Variants in DIP2C observed in about 807,000 individuals in gnomAD.
DIP2C encodes DIP2 acetate--CoA ligase C (putative).
DIP2C carries 33 observed loss-of-function variants against 192.4 expected under a neutral mutation model. That is an observed-to-expected ratio of 0.17 (90% CI 0.13 to 0.23). DIP2C has a LOEUF of 0.23. DIP2C is among the 10% of genes least tolerant of loss of function. DIP2C has a pLI of 1.00. For missense variants in DIP2C, 1,537 were observed against 2,110.1 expected (o/e 0.73, Z 5.32); for synonymous variants, 979 against 864.1 (o/e 1.13, Z -2.33).
At chr10:336,465 A>G (rs1957773926) in intron 29 of DIP2C, among the ~76,000 whole-genome samples, 1 of 152,158 alleles carries the variant, frequency 6.6e-6, no homozygotes, top group Admixed American at 6.5e-5. Flanking sequence ...ACATTTTTTT[A>G]TTTGCATATG....
At chr10:613,677 T>G (rs769081784) in intron 1 of DIP2C, among the ~76,000 whole-genome samples, 21 of 152,190 alleles carry the variant, frequency 1.4e-4, no homozygotes, top group Non-Finnish European at 2.6e-4. Context: ...AATGGCAGAT[T>G]CCTGAGAATG....
At chr10:422,535 G>C (rs1362776754) in intron 5 of DIP2C, among the ~76,000 whole-genome samples, 2 of 152,194 alleles carry the variant, frequency 1.3e-5, no homozygotes, top group Non-Finnish European at 2.9e-5. Context: ...TGTTGATTGG[G>C]ACTGTTAAGG....
chr10:308,064 C>T (rs1354743273), intron 32 of DIP2C, among the ~76,000 whole-genome samples: 3 of 151,450 alleles, frequency 2.0e-5, no homozygotes, highest in African/African-American at 4.9e-5. Context: ...GGGCGGGGCC[C>T]AGCACACGGT....
chr10:306,345 T>C (rs1415283024), intron 32 of DIP2C, among the ~76,000 whole-genome samples: 1 of 152,074 alleles, frequency 6.6e-6, no homozygotes, highest in Admixed American at 6.5e-5. Context: ...AAATGGCTAA[T>C]ACCCCTGTTC....
At chr10:553,424 C>T (rs997667763) in intron 1 of DIP2C, among the ~76,000 whole-genome samples, 1 of 152,230 alleles carries the variant, frequency 6.6e-6, no homozygotes, top group Non-Finnish European at 1.5e-5. Context: ...GCCACAGAGC[C>T]ATTTGCTGCA....
At chr10:324,119 A>T (rs184390637) in intron 31 of DIP2C, among the ~76,000 whole-genome samples, 3 of 152,138 alleles carry the variant, frequency 2.0e-5, no homozygotes, top group Admixed American at 2.0e-4. Flanking sequence ...GTGGCACTCT[A>T]TCCTCTCACT....
At chr10:484,100 CCCCCGG>C (rs1206422175) in intron 2 of DIP2C, among the ~76,000 whole-genome samples, 2 of 152,326 alleles carry the variant, frequency 1.3e-5, no homozygotes, top group East Asian at 1.9e-4. Flanking sequence ...TGAGCCACCA[CCCCCGG>C]CCTTGTATGT....
intron 31 of DIP2C, among the ~76,000 whole-genome samples, chr10:324,063 C>A (rs1305320780): frequency 6.6e-6 from 1 of 152,222 alleles, no homozygotes; most frequent in Admixed American, 6.5e-5. Context: ...CTGTGCTCTG[C>A]TGAAGCGTTC....
At chr10:619,541 G>GCCCTCCCTCCCTCCCT (rs1554757196) in intron 1 of DIP2C, among the ~76,000 whole-genome samples, 115 of 67,956 alleles carry the variant, frequency 1.7e-3, no homozygotes, top group East Asian at 5.9e-3. Flanking sequence ...CCGCCCGCCC[G>GCCCTCCCTCCCTCCCT]CCCTCCCACC....
chr10:591,367 C>T (rs1851395027), intron 1 of DIP2C, among the ~76,000 whole-genome samples: 1 of 152,150 alleles, frequency 6.6e-6, no homozygotes, highest in Non-Finnish European at 1.5e-5. Context: ...TCAGGTGATC[C>T]ACCTGCCTCG....
At chr10:519,705 C>T (rs1360472861) in intron 1 of DIP2C, among the ~76,000 whole-genome samples, 1 of 152,258 alleles carries the variant, frequency 6.6e-6, no homozygotes, top group Non-Finnish European at 1.5e-5. Flanking sequence ...CTCAAGGGCG[C>T]ACCTGAGCTC....
chr10:422,486 A>G (rs907541701), intron 5 of DIP2C, among the ~76,000 whole-genome samples: 8 of 151,828 alleles, frequency 5.3e-5, no homozygotes, highest in Non-Finnish European at 1.0e-4. Flanking sequence ...TCCTTAAATG[A>G]CTCCCACGGT....
At chr10:339,656 A>T (rs1391836133) in intron 29 of DIP2C, among the ~76,000 whole-genome samples, 1 of 152,124 alleles carries the variant, frequency 6.6e-6, no homozygotes, top group Admixed American at 6.5e-5. Context: ...CTTGGCGCAT[A>T]TACCTGAGGC....
intron 1 of DIP2C, among the ~76,000 whole-genome samples, chr10:644,056 G>A (rs941177638): frequency 1.3e-5 from 2 of 152,188 alleles, no homozygotes; most frequent in Non-Finnish European, 1.5e-5. Context: ...AGGAAGCTGC[G>A]GCTGTTTTAA....
chr10:689,426 C>T lies in DIP2C; in HGVS notation c.85+68G>A. ...CCCCGCCCCGCCGCAGGCCCCGCGC[C>T]CCCAGCCCTCCGCGCGCGGCCCTCC... is the stretch of plus-strand genomic sequence containing the variant. On this transcript the variant is annotated intron_variant, in intron 1 of 36. Transcript: ENST00000280886. The surrounding 1 kb of genome is among the most constrained non-coding windows in gnomAD (Gnocchi z 6.1). The T allele has an allele frequency of 4.2e-6, 4 of 957,742 alleles. No homozygotes were observed. The highest frequency in any genetic ancestry group is 5.0e-6 in the Non-Finnish European group (4 of 795,360). The allele number at this position is 957,742 out of a possible 1,614,324, so 59.3% of individuals were successfully genotyped here.
At chr10:538,926 G>A (rs1229924170) in intron 1 of DIP2C, among the ~76,000 whole-genome samples, 1 of 152,172 alleles carries the variant, frequency 6.6e-6, no homozygotes, top group Non-Finnish European at 1.5e-5. Flanking sequence ...TCTGCTATAT[G>A]AACCTCAGTT....
intron 3 of DIP2C, among the ~76,000 whole-genome samples, chr10:447,468 C>T (rs1968345296): frequency 1.3e-5 from 2 of 148,150 alleles, no homozygotes; most frequent in African/African-American, 2.5e-5. Context: ...GACCCGCTCA[C>T]TCCCATCGAT....
chr10:475,604 A>G (rs1345837691), intron 2 of DIP2C, among the ~76,000 whole-genome samples: 1 of 152,220 alleles, frequency 6.6e-6, no homozygotes, highest in African/African-American at 2.4e-5. Context: ...CATCCTCGTG[A>G]ATATCTCCTA....
At chr10:378,863 A>C (rs1962013371) in intron 17 of DIP2C, among the ~76,000 whole-genome samples, 1 of 150,468 alleles carries the variant, frequency 6.6e-6, no homozygotes, top group South Asian at 2.1e-4. Context: ...ACATGTGAAC[A>C]GACATGCCTA....
Sources: allele counts gnomAD v4.1 joint callset (sites outside exome capture counted in the v4.1 genomes callset), GRCh38; gene constraint gnomAD v4.1.1; non-coding constraint Gnocchi (gnomAD v3.1); transcripts MANE v1.5; gene names NCBI Gene and HGNC (gene_info 2026-07-23, HGNC 2026-07-21).